Variants in NOL10 observed in about 807,000 individuals in gnomAD.
NOL10 encodes nucleolar protein 10, also known as H_NH0074G24.1.
Under a neutral mutation model 103.5 loss-of-function variants are expected in NOL10, and 58 were observed. The observed-to-expected ratio is 0.56, with a 90% confidence interval of 0.45 to 0.70. The LOEUF (loss-of-function observed/expected upper bound fraction) is 0.70, where lower values mean the gene tolerates loss of function less well. Ranked by LOEUF, NOL10 falls within the 30% of genes least tolerant of loss-of-function variation. The probability of loss-of-function intolerance (pLI) is 0.00; values close to 1 mark genes in which losing one functional copy is unlikely to be tolerated. For missense variants in NOL10, 763 were observed against 807.3 expected (o/e 0.95, Z 0.67); for synonymous variants, 287 against 282.5 (o/e 1.02, Z -0.16).
intron 8 of NOL10, among the ~76,000 whole-genome samples, chr2:10,663,667 C>T (rs146892938): frequency 6.6e-6 from 1 of 151,036 alleles, no homozygotes; most frequent in Admixed American, 6.6e-5. Context: ...AAGAAGAATC[C>T]CGGCCAGGCG....
In NOL10 at chr2:10,589,669, T is replaced by C; in HGVS notation, c.1505A>G (p.Glu502Gly). The C allele has an allele frequency of 6.3e-7, 1 of 1,588,610 alleles. No individual in the cohort carries two copies. The highest frequency in any genetic ancestry group is 8.6e-7 in the Non-Finnish European group (1 of 1,168,410). ...AACAAGTGGATTCAGAAGCCTAAAT[T>C]CTTCACTCTCTTCATCTACTTGGAA... is the stretch of plus-strand genomic sequence containing the variant. Reference protein sequence around the residue: ...PDFQVDEESEEFRLLNPLVSK... With the variant: ...PDFQVDEESEGFRLLNPLVSK... The change falls in exon 18 of 21, where the codon GAA becomes GGA. Residue 502 changes from glutamate (E) to glycine (G), a missense_variant. Physicochemically the swap from Glu to Gly is moderately conservative, Grantham distance 98. Coordinates refer to ENST00000381685, the MANE Select transcript of NOL10 (RefSeq NM_024894.4).
rs569420731 is a variant in NOL10 at position 10,571,890 on chromosome 2, G to A, written c.*181C>T. 3.4e-4 allele frequency: 220 copies of A among 645,354 alleles called. No homozygotes were observed. Among genetic ancestry groups the A allele is most frequent in the African/African-American group, 1.9e-3 (103 of 54,488 alleles). The allele number at this position is 645,354 out of a possible 1,614,324, so 40.0% of individuals were successfully genotyped here. On this transcript the variant is annotated 3_prime_UTR_variant, in exon 21 of 21. Transcript: ENST00000381685. ...CCCCTGGGGCTGTGCGGTGGCCGTC[G>A]GCGGGGCCAGCTTCAAAGTCCAACC...
intron 16 of NOL10, 57 bp from the exon 17 acceptor site, chr2:10,600,999 A>G (rs1017040126): frequency 1.7e-5 from 18 of 1,045,498 alleles, no homozygotes; most frequent in Non-Finnish European, 2.3e-5. Flanking sequence ...ACATATTTAC[A>G]TATTAGCTTA....
intron 12 of NOL10, among the ~76,000 whole-genome samples, chr2:10,650,151 T>C (rs941855544): frequency 2.6e-5 from 4 of 152,202 alleles, no homozygotes; most frequent in African/African-American, 7.2e-5. Context: ...CTTCTACAAT[T>C]AAAATGTTAG....
intron 14 of NOL10, 48 bp from the exon 15 acceptor site, chr2:10,603,205 T>A (rs781463767): frequency 1.5e-6 from 2 of 1,369,502 alleles, no homozygotes; most frequent in Non-Finnish European, 2.0e-6. Flanking sequence ...CAATCTTCAT[T>A]AACATTCAAC....
chr2:10,597,329 T>C (rs2148178226), intron 17 of NOL10, among the ~76,000 whole-genome samples: 1 of 152,314 alleles, frequency 6.6e-6, no homozygotes, highest in East Asian at 1.9e-4. Flanking sequence ...TCCAATAAAT[T>C]TCAGCTGCAG....
rs1039140229 is a variant in NOL10, at chr2:10,628,473, G to A, written c.1026+15847C>T. Among the ~76,000 whole-genome samples, 7 of 152,194 alleles carry A rather than the reference G, an allele frequency of 4.6e-5. 1 individual carries two copies. ...TGCTAGGCACCATCTCACCCATTCCGCTAACTGTATTTTTAAAATTGTTCC... is the reference window on the plus strand; with the variant it reads ...TGCTAGGCACCATCTCACCCATTCCACTAACTGTATTTTTAAAATTGTTCC... On this transcript the variant is annotated intron_variant, in intron 13 of 20. Transcript: ENST00000381685.
chr2:10,662,855 T>C, intron 9 of NOL10, 104 bp downstream of exon 9: 2 of 870,756 alleles, frequency 2.3e-6, no homozygotes, highest in Non-Finnish European at 3.6e-6. Flanking sequence ...TCATGGAAAG[T>C]ACAATTTCAG....
rs61447318 is a variant in NOL10 at position 10,596,263 on chromosome 2, C to A, written c.1422+4590G>T. On this transcript the variant is annotated intron_variant, in intron 17 of 20. Coordinates refer to ENST00000381685, the MANE Select transcript of NOL10 (RefSeq NM_024894.4). The stretch of plus-strand genomic sequence containing the variant: ...GTTTTCCACAGATGGTGGTGGGGGG[C>A]GGGGGGCGGGCGCGAGGGAGTTTTG... Among the ~76,000 whole-genome samples the A allele has an allele frequency of 6.5e-4, 20 of 30,592 alleles. 3 individuals are homozygous for A. The highest frequency in any genetic ancestry group is 0.024 in the Middle Eastern group (1 of 42). 20.1% of individuals were successfully genotyped at this position (30,592 alleles called of 152,430 possible).
intron 13 of NOL10, among the ~76,000 whole-genome samples, chr2:10,642,051 A>G (rs1008907538): frequency 6.6e-6 from 1 of 152,202 alleles, no homozygotes; most frequent in Admixed American, 6.5e-5. Flanking sequence ...CACTTCTAAG[A>G]GGAAGATGAA....
In NOL10 at chr2:10,587,102, T is replaced by TAC. The variant is rs1232230118; in HGVS notation, c.1844+1940_1844+1941insGT. Among the ~76,000 whole-genome samples, 6 of 40,288 alleles carry TAC rather than the reference T, an allele frequency of 1.5e-4. 1 individual carries two copies. Among genetic ancestry groups the TAC allele is most frequent in the Admixed American group, 2.8e-4 (1 of 3,572 alleles). The allele number at this position is 40,288 out of a possible 152,430, so 26.4% of individuals were successfully genotyped here. A position where few individuals can be genotyped will look rare whatever the true frequency, so the allele number is the denominator to read the frequency against. On this transcript the variant is annotated intron_variant, in intron 19 of 20. Coordinates refer to ENST00000381685, the MANE Select transcript of NOL10 (RefSeq NM_024894.4). ...ACATATATATACATATATATACACA[T>TAC]ATATATACATATATATACATATATA...
intron 20 of NOL10, among the ~76,000 whole-genome samples, chr2:10,574,041 C>T (rs1241859186): frequency 6.6e-6 from 1 of 152,240 alleles, no homozygotes; most frequent in South Asian, 2.1e-4. Context: ...TTACCAAACA[C>T]TCTCACAGCC....
chr2:10,583,000 C>T (rs10929680), intron 19 of NOL10, among the ~76,000 whole-genome samples: 52,269 of 152,048 alleles, frequency 0.34, 9,407 homozygotes, highest in Non-Finnish European at 0.4. Flanking sequence ...GACTGAGAAA[C>T]GAGTGCCAGT....
At chr2:10,677,503 C>T (rs1294931351) in intron 3 of NOL10, among the ~76,000 whole-genome samples, 1 of 149,328 alleles carries the variant, frequency 6.7e-6, no homozygotes, top group Non-Finnish European at 1.5e-5. Context: ...TGGGGTCTCA[C>T]TCTGTCAACC....
chr2:10,648,375 G>A (rs1451988894), intron 12 of NOL10, among the ~76,000 whole-genome samples: 2 of 152,182 alleles, frequency 1.3e-5, no homozygotes, highest in South Asian at 2.1e-4. Flanking sequence ...AAGGAAAAGC[G>A]GAGTGCAATC....
chr2:10,637,496 T>TG (rs1678342479), intron 13 of NOL10, among the ~76,000 whole-genome samples: 1 of 152,204 alleles, frequency 6.6e-6, no homozygotes, highest in African/African-American at 2.4e-5. Flanking sequence ...GCCCAGTGAC[T>TG]GAAGCCCTGA....
intron 13 of NOL10, among the ~76,000 whole-genome samples, chr2:10,633,503 A>G (rs1439902215): frequency 6.6e-6 from 1 of 151,658 alleles, no homozygotes; most frequent in Non-Finnish European, 1.5e-5. Flanking sequence ...TTATGGTAAC[A>G]GTGGCTGGGG....
chr2:10,651,718 TCAG>T (rs1257724930), intron 12 of NOL10, among the ~76,000 whole-genome samples: 8 of 151,980 alleles, frequency 5.3e-5, no homozygotes, highest in African/African-American at 1.9e-4. Flanking sequence ...TGCCCCAACC[TCAG>T]CTCCACCTGA....
rs888409252 is a variant in NOL10 at position 10,571,708 on chromosome 2, G to T, written c.*363C>A. The T allele has an allele frequency of 6.0e-6, 1 of 165,746 alleles. No homozygotes were observed. The highest frequency in any genetic ancestry group is 1.3e-5 in the Non-Finnish European group (1 of 77,538). The allele number at this position is 165,746 out of a possible 1,614,324, so 10.3% of individuals were successfully genotyped here. On this transcript the variant is annotated 3_prime_UTR_variant, in exon 21 of 21. Coordinates refer to ENST00000381685, the MANE Select transcript of NOL10 (RefSeq NM_024894.4). ...TGGCGGTAGGCAGTGTAAGAAAAAAGTTCCTAGAGCATGATAAACCTTGGT... is the reference window on the plus strand; with the variant it reads ...TGGCGGTAGGCAGTGTAAGAAAAAATTTCCTAGAGCATGATAAACCTTGGT...
Sources: allele counts gnomAD v4.1 joint callset (sites outside exome capture counted in the v4.1 genomes callset), GRCh38; gene constraint gnomAD v4.1.1; transcripts MANE v1.5; gene names NCBI Gene and HGNC (gene_info 2026-07-23, HGNC 2026-07-21).